The following MAD1L1 variants were observed in gnomAD, a reference collection of about 807,000 sequenced individuals.
The protein encoded by MAD1L1 is mitotic arrest deficient 1 like 1, also known as mitotic spindle assembly checkpoint protein MAD1.
A neutral mutation model predicts 96.9 loss-of-function variants in MAD1L1; 95 were observed. That is an observed-to-expected ratio of 0.98 (90% CI 0.83 to 1.16). The LOEUF (loss-of-function observed/expected upper bound fraction) is 1.16, where lower values mean the gene tolerates loss of function less well. Among genes scored for constraint, MAD1L1 ranks in the 50% most tolerant of loss-of-function variants. MAD1L1 has a pLI of 0.00. For synonymous variants in MAD1L1, 473 were observed against 396.6 expected (o/e 1.19, Z -2.29); for missense variants, 1,007 against 954.4 (o/e 1.06, Z -0.73).
At chr7:1,838,673 G>C (rs530380720) in intron 18 of MAD1L1, 1 of 432,438 alleles carries the variant, frequency 2.3e-6, no homozygotes, top group South Asian at 1.7e-5. Context: ...GCTGGGACTG[G>C]GAGAGGATGG....
At chr7:2,065,076 G>A (rs1252681424) in intron 12 of MAD1L1, among the ~76,000 whole-genome samples, 1 of 152,264 alleles carries the variant, frequency 6.6e-6, no homozygotes. Context: ...ATTCTCAAGG[G>A]AGGACAGAGG....
intron 10 of MAD1L1, among the ~76,000 whole-genome samples, chr7:2,207,848 C>T (rs1792681662): frequency 6.6e-6 from 1 of 152,110 alleles, no homozygotes; most frequent in Non-Finnish European, 1.5e-5. Context: ...CGGCCTACTA[C>T]TTGCACCTGG....
chr7:1,908,718 G>A (rs573987542), intron 17 of MAD1L1, among the ~76,000 whole-genome samples: 13 of 152,164 alleles, frequency 8.5e-5, no homozygotes, highest in Admixed American at 2.6e-4. Flanking sequence ...CTGCTGTGGA[G>A]AAGCCTGAAT....
At chr7:2,115,179 C>CGCTG (rs1228469316) in intron 11 of MAD1L1, among the ~76,000 whole-genome samples, 4 of 152,244 alleles carry the variant, frequency 2.6e-5, no homozygotes, top group Non-Finnish European at 4.4e-5. Flanking sequence ...CACCACGGGG[C>CGCTG]GCTGGCTCAG....
At chr7:2,138,818 T>C (rs922987676) in intron 11 of MAD1L1, among the ~76,000 whole-genome samples, 5 of 152,096 alleles carry the variant, frequency 3.3e-5, no homozygotes, top group African/African-American at 1.2e-4. Flanking sequence ...CAGGACCCAG[T>C]GACAGAGACC....
intron 18 of MAD1L1, among the ~76,000 whole-genome samples, chr7:1,817,715 G>A (rs1402277911): frequency 6.6e-6 from 1 of 152,162 alleles, no homozygotes; most frequent in Non-Finnish European, 1.5e-5. Context: ...CTGCATGTGT[G>A]TGCATCGGAG....
intron 13 of MAD1L1, among the ~76,000 whole-genome samples, chr7:2,003,216 A>G (rs1781883965): frequency 1.3e-5 from 2 of 152,186 alleles, no homozygotes; most frequent in Admixed American, 1.3e-4. Context: ...GGAAACCACC[A>G]GGCAAGTCAC....
In MAD1L1 at chr7:1,968,804, G is replaced by A. The variant is rs1401267554; in HGVS notation, c.1506-11085C>T. Among the ~76,000 whole-genome samples the A allele has an allele frequency of 6.6e-6, 1 of 152,236 alleles. No homozygotes were observed. The highest frequency in any genetic ancestry group is 2.4e-5 in the African/African-American group (1 of 41,464). On this transcript the variant is annotated intron_variant, in intron 15 of 18. Transcript: ENST00000265854. This position sits in a 1 kb window ranked among gnomAD's most constrained non-coding sequence, Gnocchi z 5.6. ...TTCTAGGGACTCCTAAACATACTGA[G>A]GTCAGGAGAAGCGAGGAAAGACAAA...
At chr7:2,211,485 G>A (rs1045406913) in intron 10 of MAD1L1, among the ~76,000 whole-genome samples, 1 of 152,240 alleles carries the variant, frequency 6.6e-6, no homozygotes, top group Non-Finnish European at 1.5e-5. Flanking sequence ...GGACCCTCCA[G>A]CAGGGCCGGG....
At position 1,897,253 on chromosome 7, in the gene MAD1L1, A is replaced by G. The variant is rs576621459; in HGVS notation, c.1998+947T>C. 8.5e-4 allele frequency among the ~76,000 whole-genome samples: 127 copies of G among 150,218 alleles called. 1 individual carries two copies. The highest frequency in any genetic ancestry group is 1.3e-3 in the Non-Finnish European group (91 of 67,666). On this transcript the variant is annotated intron_variant, in intron 18 of 18. Coordinates refer to ENST00000265854, the MANE Select transcript of MAD1L1 (RefSeq NM_001013836.2). ...ACTGGGTACAGCTTTTATACAAATC[A>G]AAGTTGGTTCTCGGTTCCATAAAGA...
chr7:2,183,365 T>C (rs1791296269), intron 10 of MAD1L1, among the ~76,000 whole-genome samples: 1 of 152,056 alleles, frequency 6.6e-6, no homozygotes, highest in Admixed American at 6.6e-5. Flanking sequence ...AATAAAGAAC[T>C]TGGAAAAATC....
At chr7:2,029,107 A>G (rs1022984057) in intron 12 of MAD1L1, among the ~76,000 whole-genome samples, 17 of 152,208 alleles carry the variant, frequency 1.1e-4, no homozygotes, top group Non-Finnish European at 1.6e-4. Context: ...TTCTGTTTAG[A>G]GTGTGAAAAG....
At chr7:2,211,072 T>C (rs1792920736) in intron 10 of MAD1L1, among the ~76,000 whole-genome samples, 1 of 152,208 alleles carries the variant, frequency 6.6e-6, no homozygotes, top group Admixed American at 6.5e-5. Context: ...TCCGAAGAAC[T>C]ATCTGTGTTC....
At chr7:1,884,008 G>A (rs1785849859) in intron 18 of MAD1L1, among the ~76,000 whole-genome samples, 1 of 152,122 alleles carries the variant, frequency 6.6e-6, no homozygotes, top group African/African-American at 2.4e-5. Flanking sequence ...TGCAGAGCCA[G>A]CTGGGGACTC....
At position 1,914,311 on chromosome 7, in the gene MAD1L1, C is replaced by T. The variant is rs899275306; in HGVS notation, c.1808-15921G>A. On this transcript the variant is annotated intron_variant, in intron 17 of 18. Transcript: ENST00000265854. ...TGGGAAGGGACTCTGCAGATGTGTC[C>T]GGGGCAGGGATGGTGAGACCACGGG... Among the ~76,000 whole-genome samples, 11 of 152,202 alleles carry T rather than the reference C, an allele frequency of 7.2e-5. No individual in the cohort carries two copies. The South Asian group carries it at 8.3e-4, about 11-fold the overall frequency.
In MAD1L1 at chr7:1,885,356, T is replaced by G. The variant is rs182172513; in HGVS notation, c.1998+12844A>C. On this transcript the variant is annotated intron_variant, in intron 18 of 18. Coordinates refer to ENST00000265854, the MANE Select transcript of MAD1L1 (RefSeq NM_001013836.2). ...TCGGTCTATCCCCAAAAACCCTGTG[T>G]CCCAGCTCTGCCTAGAGAAAGATGG... is the stretch of plus-strand genomic sequence containing the variant. Among the ~76,000 whole-genome samples, 41 of 152,242 alleles carry G rather than the reference T, an allele frequency of 2.7e-4. No homozygotes were observed. In the East Asian group the frequency reaches 7.9e-3, roughly 29 times the overall value.
intron 1 of MAD1L1, among the ~76,000 whole-genome samples, chr7:2,232,601 G>A (rs925704551): frequency 3.3e-5 from 5 of 152,136 alleles, no homozygotes; most frequent in Non-Finnish European, 5.9e-5. Context: ...CACAAGGGAC[G>A]GCTGCGGAGA....
chr7:1,980,951 C>T (rs1303738863), intron 14 of MAD1L1, among the ~76,000 whole-genome samples: 1 of 152,136 alleles, frequency 6.6e-6, no homozygotes, highest in East Asian at 1.9e-4. Context: ...GCTGCACCGC[C>T]CGGGAGGGAG....
rs1401487052 is a variant in MAD1L1, at chr7:2,142,007, G to A, written c.1073+7145C>T. ...ACCGCACAGCCGTGAGCACAGAATG[G>A]GCCTGCTCCCCTGTCACCTTGAGCA... On this transcript the variant is annotated intron_variant, in intron 11 of 18. Coordinates refer to ENST00000265854, the MANE Select transcript of MAD1L1 (RefSeq NM_001013836.2). This position sits in a 1 kb window ranked among gnomAD's most constrained non-coding sequence, Gnocchi z 4.7. 1.3e-5 allele frequency among the ~76,000 whole-genome samples: 2 copies of A among 152,192 alleles called. No homozygotes were observed. The highest frequency in any genetic ancestry group is 2.9e-5 in the Non-Finnish European group (2 of 68,036).
Sources: allele counts gnomAD v4.1 joint callset (sites outside exome capture counted in the v4.1 genomes callset), GRCh38; gene constraint gnomAD v4.1.1; non-coding constraint Gnocchi (gnomAD v3.1); transcripts MANE v1.5; gene names NCBI Gene and HGNC (gene_info 2026-07-23, HGNC 2026-07-21).